Variants in ELOB observed in about 807,000 individuals in gnomAD.
The protein encoded by ELOB is elongin B.
Under a neutral mutation model 12.9 loss-of-function variants are expected in ELOB, and 3 were observed. The observed-to-expected ratio is 0.23, with a 90% CI of 0.11 to 0.60. The LOEUF is 0.60. ELOB is among the 20% of genes least tolerant of loss of function. The pLI, the probability that ELOB is intolerant of heterozygous loss-of-function variation, is 0.89. For synonymous variants in ELOB, 84 were observed against 67.4 expected (o/e 1.25, Z -1.21); for missense variants, 126 against 159.2 (o/e 0.79, Z 1.12).
chr16:2,773,414 C>T (rs145180799), intron 3 of ELOB, among the ~76,000 whole-genome samples: 3 of 152,306 alleles, frequency 2.0e-5, no homozygotes, highest in African/African-American at 7.2e-5. Context: ...TGTGACAATT[C>T]GTGCCTTCAC....
chr16:2,774,775 G>A (rs541875400), intron 3 of ELOB, among the ~76,000 whole-genome samples: 3 of 151,270 alleles, frequency 2.0e-5, no homozygotes, highest in East Asian at 1.9e-4. Flanking sequence ...ATATCTTGGC[G>A]AGTAGTAAAC....
rs748949711 is a variant in ELOB, at chr16:2,771,471, A to G, written c.*519T>C. On this transcript the variant is annotated 3_prime_UTR_variant, in exon 4 of 4. Coordinates refer to ENST00000409906, the MANE Select transcript of ELOB (RefSeq NM_007108.4). ...AAGGGGGCAGCCACTTCCCTCCGTGATTACAGCCCCCAGCGTGGGTGGACC... is the reference window on the plus strand; with the variant it reads ...AAGGGGGCAGCCACTTCCCTCCGTGGTTACAGCCCCCAGCGTGGGTGGACC... The G allele has an allele frequency of 1.9e-6, 3 of 1,614,132 alleles. No individual in the cohort carries two copies. The highest frequency in any genetic ancestry group is 2.5e-6 in the Non-Finnish European group (3 of 1,180,026).
At chr16:2,776,661 T>C (rs908184217) in intron 2 of ELOB, among the ~76,000 whole-genome samples, 2 of 152,240 alleles carry the variant, frequency 1.3e-5, no homozygotes, top group African/African-American at 4.8e-5. Flanking sequence ...GTTCGAACCC[T>C]GGCGCTGCCA....
intron 2 of ELOB, 115 bp downstream of exon 2, chr16:2,776,878 C>G (rs1298558005): frequency 2.9e-6 from 4 of 1,383,522 alleles, no homozygotes; most frequent in Non-Finnish European, 3.8e-6. Flanking sequence ...AGTCCCGCGG[C>G]TCGGGCGCCC....
intron 2 of ELOB, among the ~76,000 whole-genome samples, chr16:2,776,757 G>A (rs1277636517): frequency 2.0e-5 from 3 of 152,234 alleles, no homozygotes; most frequent in East Asian, 3.9e-4. Context: ...GGGGTTGCAT[G>A]CCACGGTGCC....
rs771282800 is a variant in ELOB, at chr16:2,771,620, G to T, written c.*370C>A. The T allele has an allele frequency of 6.2e-7, 1 of 1,613,812 alleles. No individual in the cohort carries two copies. Among genetic ancestry groups the T allele is most frequent in the Admixed American group, 1.7e-5 (1 of 59,998 alleles). On this transcript the variant is annotated 3_prime_UTR_variant, in exon 4 of 4. Coordinates refer to ENST00000409906, the MANE Select transcript of ELOB (RefSeq NM_007108.4). The stretch of plus-strand genomic sequence containing the variant: ...GACATGCAGGCTATGGGGGTGGGGG[G>T]CACTTAGAAGGAGAAAGGCCTAAAA...
chr16:2,775,735 A>C, intron 2 of ELOB, 179 bp from the exon 3 acceptor site: 1 of 496,246 alleles, frequency 2.0e-6, no homozygotes. Context: ...GAACTTCTAA[A>C]TCAAAACCTC....
intron 2 of ELOB, among the ~76,000 whole-genome samples, chr16:2,776,316 C>T (rs758548268): frequency 9.2e-5 from 14 of 152,188 alleles, no homozygotes; most frequent in Non-Finnish European, 1.5e-4. Context: ...TTCCCAGTTT[C>T]CAGCTCTAGA....
Position 2,771,916 on chromosome 16 carries a change from G to T in ELOB, c.*74C>A. ...GGAGTGGGACCCATCCCAGGGAGGGGCGGGAAAAAGAGGCAGCAACCAGGC... is the reference window on the plus strand; with the variant it reads ...GGAGTGGGACCCATCCCAGGGAGGGTCGGGAAAAAGAGGCAGCAACCAGGC... On this transcript the variant is annotated 3_prime_UTR_variant, in exon 4 of 4. Transcript: ENST00000409906. 6.5e-7 allele frequency: 1 copy of T among 1,537,186 alleles called. No individual in the cohort carries two copies. Among genetic ancestry groups the T allele is most frequent in the Non-Finnish European group, 8.8e-7 (1 of 1,140,766 alleles).
chr16:2,776,340 A>G (rs943712897), intron 2 of ELOB, among the ~76,000 whole-genome samples: 2 of 152,190 alleles, frequency 1.3e-5, no homozygotes, highest in Admixed American at 1.3e-4. Flanking sequence ...TGAACAATGC[A>G]CTTGGGCGAC....
intron 2 of ELOB, 72 bp downstream of exon 2, chr16:2,776,921 C>T (rs1456251564): frequency 2.7e-6 from 4 of 1,502,628 alleles, no homozygotes; most frequent in Non-Finnish European, 3.6e-6. Context: ...GTTTACATCG[C>T]GGACAGCGTA....
chr16:2,774,918 G>T (rs1006970968), intron 3 of ELOB, among the ~76,000 whole-genome samples: 3 of 152,144 alleles, frequency 2.0e-5, no homozygotes. Flanking sequence ...TCACTTTACT[G>T]AACCTGAAAA....
At chr16:2,773,143 C>T (rs2068777578) in intron 3 of ELOB, among the ~76,000 whole-genome samples, 2 of 152,120 alleles carry the variant, frequency 1.3e-5, no homozygotes, top group South Asian at 4.1e-4. Context: ...TTCTCCTGTG[C>T]TTTCTTCCAG....
In ELOB at chr16:2,771,809, A is replaced by G; in HGVS notation, c.*181T>C. ...GTGCCTTTAAGCAGCAGGCTGGGCC[A>G]AGTTCTCAGCCAGGGTCTCAGGATC... On this transcript the variant is annotated 3_prime_UTR_variant, in exon 4 of 4. Transcript: ENST00000409906. The G allele has an allele frequency of 6.9e-7, 1 of 1,452,076 alleles. No homozygotes were observed. Among genetic ancestry groups the G allele is most frequent in the Non-Finnish European group, 9.0e-7 (1 of 1,106,614 alleles). The allele number at this position is 1,452,076 out of a possible 1,614,324, so 89.9% of individuals were successfully genotyped here.
At chr16:2,772,337 A>G (rs1028560710) in intron 3 of ELOB, 1 of 347,896 alleles carries the variant, frequency 2.9e-6, no homozygotes, top group Non-Finnish European at 5.1e-6. Flanking sequence ...CCCACTGACC[A>G]TGCTGGGGCC....
chr16:2,774,918 G>A (rs1006970968), intron 3 of ELOB, among the ~76,000 whole-genome samples: 1 of 152,144 alleles, frequency 6.6e-6, no homozygotes, highest in African/African-American at 2.4e-5. Context: ...TCACTTTACT[G>A]AACCTGAAAA....
Position 2,777,257 on chromosome 16 carries a change from C to T in ELOB, c.-18G>A. 9.8e-7 allele frequency: 1 copy of T among 1,023,958 alleles called. No homozygotes were observed. The highest frequency in any genetic ancestry group is 1.2e-6 in the Non-Finnish European group (1 of 855,072). The allele number at this position is 1,023,958 out of a possible 1,614,324, so 63.4% of individuals were successfully genotyped here. On this transcript the variant is annotated 5_prime_UTR_variant, in exon 1 of 4. Coordinates refer to ENST00000409906, the MANE Select transcript of ELOB (RefSeq NM_007108.4). ...CTCACCATCGCGGCTGCTGCCTCTC[C>T]CCTCGACGCGCCGGCGCAGCCGCGC...
Position 2,771,937 on chromosome 16 carries a change from C to T in ELOB, c.*53G>A. The T allele has an allele frequency of 6.3e-7, 1 of 1,577,068 alleles. No homozygotes were observed. Among genetic ancestry groups the T allele is most frequent in the Non-Finnish European group, 8.6e-7 (1 of 1,162,158 alleles). On this transcript the variant is annotated 3_prime_UTR_variant, in exon 4 of 4. Transcript: ENST00000409906. The stretch of plus-strand genomic sequence containing the variant: ...AGGGGCGGGAAAAAGAGGCAGCAAC[C>T]AGGCAGACTCCCAAATCTCTTTTAT...
At chr16:2,776,959 T>C in intron 2 of ELOB, 34 bp downstream of exon 2, 5 of 1,524,202 alleles carry the variant, frequency 3.3e-6, no homozygotes, top group Non-Finnish European at 4.4e-6. Context: ...CGGCGCCGGG[T>C]ACCCGCTCCC....
Sources: gnomAD v4.1 joint callset for allele counts (sites outside exome capture counted in the v4.1 genomes callset) on GRCh38, gnomAD v4.1.1 for gene constraint, MANE v1.5 for transcripts, NCBI Gene and HGNC (gene_info 2026-07-23, HGNC 2026-07-21) for gene names.